The following FERMT1 variants were observed in gnomAD, a reference collection of about 807,000 sequenced individuals.
FERMT1 encodes the protein FERM domain containing kindlin 1.
FERMT1 carries 60 observed loss-of-function variants against 85.3 expected under a neutral mutation model. The ratio of observed to expected loss-of-function variants is 0.70; its 90% CI spans 0.57 to 0.87. The LOEUF (loss-of-function observed/expected upper bound fraction) is 0.87. FERMT1 is among the 40% of genes least tolerant of loss of function. The probability of loss-of-function intolerance (pLI) is 0.00; values close to 1 mark genes in which losing one functional copy is unlikely to be tolerated. For synonymous variants in FERMT1, 275 were observed against 301.1 expected, an observed-to-expected ratio of 0.91 and a Z score of 0.90; for missense variants, 701 against 818.9, an observed-to-expected ratio of 0.86 and a Z score of 1.76.
At chr20:6,107,150 C>T (rs561282385) in intron 6 of FERMT1, among the ~76,000 whole-genome samples, 66 of 145,320 alleles carry the variant, frequency 4.5e-4, no homozygotes, top group South Asian at 2.2e-3. Context: ...CAGCCAAGAT[C>T]GTGCCACTGC....
At chr20:6,101,039 A>G (rs994301061) in intron 6 of FERMT1, among the ~76,000 whole-genome samples, 5 of 152,344 alleles carry the variant, frequency 3.3e-5, no homozygotes, top group African/African-American at 7.2e-5. Context: ...AAGATGCTCA[A>G]TCTCACTAAT....
chr20:6,077,248 C>G lies in FERMT1; in HGVS notation c.1959G>C (p.Leu653Phe). Residue 653 changes from leucine (L) to phenylalanine (F), a missense_variant, in exon 15 of 15, where the codon TTG becomes TTC. Coordinates refer to ENST00000217289, the MANE Select transcript of FERMT1 (RefSeq NM_017671.5). ...VHEYIGGYIF[L>F]STRSKDQNET... The stretch of plus-strand genomic sequence containing the variant: ...CATTCTGGTCCTTGGAGCGGGTGGA[C>G]AAGAAAATGTAGCCGCCAATGTACT... The G allele has an allele frequency of 6.8e-6, 11 of 1,614,080 alleles. No homozygotes were observed. The highest frequency in any genetic ancestry group is 1.3e-5 in the African/African-American group (1 of 74,988).
rs139562590 is a variant in FERMT1, at chr20:6,121,215, C to T, written c.-19+1559G>A. ...TTAGCTCACTGCAACCTCTGCCTCCCGGGTTCAAGCAATTCTCTGCCTCAG... is the reference window on the plus strand; with the variant it reads ...TTAGCTCACTGCAACCTCTGCCTCCTGGGTTCAAGCAATTCTCTGCCTCAG... On this transcript the variant is annotated intron_variant, in intron 1 of 14. Coordinates refer to ENST00000217289, the MANE Select transcript of FERMT1 (RefSeq NM_017671.5). Among the ~76,000 whole-genome samples, 376 of 151,638 alleles carry T rather than the reference C, an allele frequency of 2.5e-3. 3 individuals are homozygous for T. The highest frequency in any genetic ancestry group is 4.0e-3 in the Admixed American group (61 of 15,232).
At chr20:6,113,731 T>C (rs977905802) in intron 3 of FERMT1, among the ~76,000 whole-genome samples, 6 of 152,186 alleles carry the variant, frequency 3.9e-5, no homozygotes, top group Non-Finnish European at 7.3e-5. Context: ...TGAGGCTGTG[T>C]CTACACTGTC....
Position 6,110,449 on chromosome 20 carries a change from C to T in FERMT1, c.595G>A (p.Ala199Thr). The T allele has an allele frequency of 6.2e-7, 1 of 1,614,074 alleles. No homozygotes were observed. The highest frequency in any genetic ancestry group is 8.5e-7 in the Non-Finnish European group (1 of 1,180,002). ...PIYDPINGTP[A>T]SSTMTWFSDS... ...CTGAACCAAGTCATGGTGGATGATG[C>T]TGGTGTTCCATTGATGGGGTCATAT... is the stretch of plus-strand genomic sequence containing the variant. The change falls in exon 5 of 15, where the codon GCA becomes ACA. Residue 199 changes from alanine to threonine, a missense_variant. Coordinates refer to ENST00000217289, the MANE Select transcript of FERMT1 (RefSeq NM_017671.5).
In FERMT1 at chr20:6,117,044, T is replaced by C. The variant is rs181145610; in HGVS notation, c.152-1000A>G. Among the ~76,000 whole-genome samples the C allele has an allele frequency of 3.2e-3, 488 of 152,334 alleles. 2 individuals carry two copies. The highest frequency in any genetic ancestry group is 9.4e-3 in the African/African-American group (392 of 41,578). Reference sequence around the variant, plus strand: ...CTCCAACTCTTTATCAGTACCACCATATCCAAAGTGTCCAAATTGAAGTCA... The same window carrying C: ...CTCCAACTCTTTATCAGTACCACCACATCCAAAGTGTCCAAATTGAAGTCA... On this transcript the variant is annotated intron_variant, in intron 2 of 14. Coordinates refer to ENST00000217289, the MANE Select transcript of FERMT1 (RefSeq NM_017671.5).
Position 6,075,546 on chromosome 20 carries a change from T to A in FERMT1, c.*1627A>T, listed in dbSNP as rs1040321890. 6.6e-6 allele frequency: 1 copy of A among 152,322 alleles called. No homozygotes were observed. The highest frequency in any genetic ancestry group is 1.5e-5 in the Non-Finnish European group (1 of 68,046). 9.4% of individuals were successfully genotyped at this position (152,322 alleles called of 1,614,324 possible). Reference sequence around the variant, plus strand: ...GGTGCCTGGGAGGCTTCATTCACATTCACCTCTAAGGAGAGGCTAAAAGAG... The same window carrying A: ...GGTGCCTGGGAGGCTTCATTCACATACACCTCTAAGGAGAGGCTAAAAGAG... On this transcript the variant is annotated 3_prime_UTR_variant, in exon 15 of 15. Transcript: ENST00000217289.
At chr20:6,119,010 C>T (rs571312816) in intron 2 of FERMT1, among the ~76,000 whole-genome samples, 4 of 151,760 alleles carry the variant, frequency 2.6e-5, no homozygotes, top group African/African-American at 7.3e-5. Context: ...TGCAGTGGCA[C>T]GATCTTGGCT....
At chr20:6,111,339 C>T (rs1982942402) in intron 4 of FERMT1, among the ~76,000 whole-genome samples, 1 of 152,132 alleles carries the variant, frequency 6.6e-6, no homozygotes. Context: ...TGCAAGAAAG[C>T]CCTCAATCTT....
chr20:6,094,120 T>C (rs2123114313), intron 9 of FERMT1: 1 of 152,368 alleles, frequency 6.6e-6, no homozygotes, highest in South Asian at 2.1e-4. Context: ...TGCTCATTCT[T>C]TCTAATTCTT....
At chr20:6,087,649 G>GTGAT (rs1334813729) in intron 11 of FERMT1, 128 bp downstream of exon 11, 1 of 726,850 alleles carries the variant, frequency 1.4e-6, no homozygotes, top group Non-Finnish European at 2.5e-6. Context: ...TTGTTACACT[G>GTGAT]TGATTGTTTG....
chr20:6,103,960 T>A (rs946656268), intron 6 of FERMT1, among the ~76,000 whole-genome samples: 1 of 152,026 alleles, frequency 6.6e-6, no homozygotes, highest in Non-Finnish European at 1.5e-5. Flanking sequence ...AACCTCTGCT[T>A]CCCGGGTTCA....
chr20:6,107,454 C>T lies in FERMT1; in HGVS notation c.849+78G>A, dbSNP rs1982829696. 10 of 848,512 alleles carry T rather than the reference C, an allele frequency of 1.2e-5. No homozygotes were observed. The Admixed American group carries it at 1.8e-4, about 15-fold the overall frequency. The allele number at this position is 848,512 out of a possible 1,614,324, so 52.6% of individuals were successfully genotyped here. Reference sequence around the variant, plus strand: ...ACACAAATAAATTCATCCTAATTTTCATAAGCAAATGCCTCCATTTTATCC... The same window carrying T: ...ACACAAATAAATTCATCCTAATTTTTATAAGCAAATGCCTCCATTTTATCC... On this transcript the variant is annotated intron_variant, in intron 6 of 14. Coordinates refer to ENST00000217289, the MANE Select transcript of FERMT1 (RefSeq NM_017671.5).
chr20:6,110,426 G>A lies in FERMT1; in HGVS notation c.618C>T (p.Phe206=). The A allele has an allele frequency of 6.2e-7, 1 of 1,614,118 alleles. No homozygotes were observed. The highest frequency in any genetic ancestry group is 8.5e-7 in the Non-Finnish European group (1 of 1,180,024). The part of the protein sequence containing the change: ...GTPASSTMTW[F]SDSPLTEQNC... ...TTTGTTCCGTCAAAGGGCTGTCACT[G>A]AACCAAGTCATGGTGGATGATGCTG... is the stretch of plus-strand genomic sequence containing the variant. Residue 206 remains phenylalanine, a synonymous_variant, in exon 5 of 15, where the codon TTC becomes TTT. Transcript: ENST00000217289.
intron 1 of FERMT1, among the ~76,000 whole-genome samples, chr20:6,120,983 C>T (rs142680215): frequency 1.2e-3 from 180 of 152,298 alleles, no homozygotes; most frequent in Middle Eastern, 6.8e-3. Context: ...TCATTCGAAA[C>T]GACTCATTTG....
intron 12 of FERMT1, among the ~76,000 whole-genome samples, chr20:6,084,695 CTT>C (rs35916682): frequency 9.0e-5 from 13 of 144,272 alleles, no homozygotes; most frequent in African/African-American, 1.3e-4. Flanking sequence ...GGAATTACTC[CTT>C]TTTTTTTTTT....
At chr20:6,082,150 A>G (rs547229403) in intron 13 of FERMT1, among the ~76,000 whole-genome samples, 1 of 152,140 alleles carries the variant, frequency 6.6e-6, no homozygotes, top group Non-Finnish European at 1.5e-5. Context: ...TCAAAGCCTC[A>G]CCTCCATAAA....
intron 9 of FERMT1, 44 bp from the exon 10 acceptor site, chr20:6,089,133 A>G: frequency 6.3e-7 from 1 of 1,596,190 alleles, no homozygotes; most frequent in Non-Finnish European, 8.6e-7. Context: ...CCACCCAGAA[A>G]TGTGGAACAC....
chr20:6,106,535 G>A (rs913673115), intron 6 of FERMT1, among the ~76,000 whole-genome samples: 99 of 152,280 alleles, frequency 6.5e-4, no homozygotes, highest in African/African-American at 2.2e-3. Context: ...GTGACCCTGC[G>A]CACTCAGAGG....
Sources: allele counts gnomAD v4.1 joint callset (sites outside exome capture counted in the v4.1 genomes callset), GRCh38; gene constraint gnomAD v4.1.1; transcripts MANE v1.5; gene names NCBI Gene and HGNC (gene_info 2026-07-23, HGNC 2026-07-21).